Variants in ZDHHC14 observed in about 807,000 individuals in gnomAD.
ZDHHC14 encodes the protein palmitoyltransferase ZDHHC14.
Under a neutral mutation model 47.7 loss-of-function variants are expected in ZDHHC14, and 16 were observed. The ratio of observed to expected loss-of-function variants is 0.34; its 90% confidence interval spans 0.23 to 0.51. The LOEUF is 0.51. Among genes scored for constraint, ZDHHC14 ranks in the 20% least tolerant of loss-of-function variants. The probability of loss-of-function intolerance (pLI) is 0.97; values close to 1 mark genes in which losing one functional copy is unlikely to be tolerated. For synonymous variants in ZDHHC14, 293 were observed against 278.9 expected, an observed-to-expected ratio of 1.05 and a Z score of -0.50; for missense variants, 515 against 662.5, an observed-to-expected ratio of 0.78 and a Z score of 2.44.
At chr6:157,536,583 C>G (rs9457716) in intron 1 of ZDHHC14, among the ~76,000 whole-genome samples, 2 of 151,816 alleles carry the variant, frequency 1.3e-5, no homozygotes, top group African/African-American at 4.8e-5. Context: ...CCTAATTACC[C>G]AATAATGAAA....
intron 1 of ZDHHC14, among the ~76,000 whole-genome samples, chr6:157,423,481 T>C (rs1778150045): frequency 6.6e-6 from 1 of 152,162 alleles, no homozygotes; most frequent in African/African-American, 2.4e-5. Flanking sequence ...AGGATTATAT[T>C]TTTAAAATTT....
At chr6:157,523,728 CAAA>C (rs1246190746) in intron 1 of ZDHHC14, among the ~76,000 whole-genome samples, 2 of 121,288 alleles carry the variant, frequency 1.6e-5, no homozygotes, top group Non-Finnish European at 3.7e-5. Flanking sequence ...CTCGCTTATA[CAAA>C]AAAAAAAAAA....
At chr6:157,646,157 C>T in intron 6 of ZDHHC14, 1 of 232,630 alleles carries the variant, frequency 4.3e-6, no homozygotes, top group Non-Finnish European at 8.3e-6. Context: ...TATCACACTT[C>T]CCCTGGTAGA....
chr6:157,546,315 T>C (rs1781970631), intron 2 of ZDHHC14, among the ~76,000 whole-genome samples: 1 of 152,250 alleles, frequency 6.6e-6, no homozygotes, highest in South Asian at 2.1e-4. Context: ...ACAATTAGAT[T>C]TGGAAACTTT....
chr6:157,667,169 A>G (rs1473270535), intron 8 of ZDHHC14, among the ~76,000 whole-genome samples: 2 of 152,244 alleles, frequency 1.3e-5, no homozygotes, highest in African/African-American at 4.8e-5. Context: ...AAACATGAGT[A>G]TCTCAGTTTT....
chr6:157,535,447 A>G (rs940986216), intron 1 of ZDHHC14, among the ~76,000 whole-genome samples: 3 of 152,194 alleles, frequency 2.0e-5, no homozygotes, highest in African/African-American at 7.2e-5. Context: ...CGTGTGAAAA[A>G]GAGCTGTTGA....
At chr6:157,449,839 T>C (rs951427264) in intron 1 of ZDHHC14, among the ~76,000 whole-genome samples, 2 of 152,178 alleles carry the variant, frequency 1.3e-5, no homozygotes, top group African/African-American at 4.8e-5. Flanking sequence ...TTGAATTTTT[T>C]CCCCAGTACG....
chr6:157,469,129 T>G (rs549860057), intron 1 of ZDHHC14, among the ~76,000 whole-genome samples: 1 of 152,364 alleles, frequency 6.6e-6, no homozygotes, highest in African/African-American at 2.4e-5. Flanking sequence ...AGCAGGCAGC[T>G]GCCCACATGT....
chr6:157,406,196 G>T (rs1439063433), intron 1 of ZDHHC14, among the ~76,000 whole-genome samples: 5 of 152,224 alleles, frequency 3.3e-5, no homozygotes, highest in Non-Finnish European at 7.3e-5. Context: ...CAGTTGGGGA[G>T]GGAGTGGGGT....
chr6:157,443,077 G>T (rs910374988), intron 1 of ZDHHC14, among the ~76,000 whole-genome samples: 2 of 152,156 alleles, frequency 1.3e-5, no homozygotes, highest in African/African-American at 4.8e-5. Flanking sequence ...TTGGGGGAGG[G>T]ACCTCGTGGG....
chr6:157,480,230 T>A (rs1779589476), intron 1 of ZDHHC14, among the ~76,000 whole-genome samples: 1 of 151,190 alleles, frequency 6.6e-6, no homozygotes, highest in Admixed American at 6.6e-5. Context: ...AGACTTTGGG[T>A]CAGGTTTTTT....
intron 1 of ZDHHC14, among the ~76,000 whole-genome samples, chr6:157,498,273 A>AT (rs1369180967): frequency 1.3e-5 from 2 of 151,626 alleles, no homozygotes; most frequent in African/African-American, 4.8e-5. Flanking sequence ...CACATCTCAA[A>AT]AAAAAAAAAA....
At chr6:157,555,761 G>C (rs2047968) in intron 2 of ZDHHC14, among the ~76,000 whole-genome samples, 1 of 152,010 alleles carries the variant, frequency 6.6e-6, no homozygotes, top group South Asian at 2.1e-4. Context: ...CCCCACCCCT[G>C]TGTATTGCAG....
At chr6:157,671,417 A>G (rs1354029201) in intron 8 of ZDHHC14, among the ~76,000 whole-genome samples, 4 of 152,204 alleles carry the variant, frequency 2.6e-5, no homozygotes, top group African/African-American at 9.6e-5. Context: ...TTGAGCACAG[A>G]GTCCCGATTT....
chr6:157,657,748 T>A (rs569139827), intron 8 of ZDHHC14, among the ~76,000 whole-genome samples: 23 of 152,344 alleles, frequency 1.5e-4, no homozygotes, highest in African/African-American at 5.5e-4. Context: ...CTAAGCAGGA[T>A]GTTCCAGCCA....
chr6:157,382,353 G>A, intron 1 of ZDHHC14, 87 bp downstream of exon 1: 2 of 1,489,720 alleles, frequency 1.3e-6, no homozygotes, highest in Non-Finnish European at 1.8e-6. Flanking sequence ...TCGTTTTCTA[G>A]AAGTCTTATC....
chr6:157,539,896 T>G (rs2114799240), intron 1 of ZDHHC14, among the ~76,000 whole-genome samples: 1 of 152,286 alleles, frequency 6.6e-6, no homozygotes. Flanking sequence ...GTTTGCTACT[T>G]AAAGCGACAA....
intron 2 of ZDHHC14, among the ~76,000 whole-genome samples, chr6:157,544,869 A>G (rs1337591845): frequency 1.3e-5 from 2 of 152,210 alleles, no homozygotes; most frequent in African/African-American, 4.8e-5. Context: ...CCATTACTAT[A>G]TGACCCAGCA....
chr6:157,562,512 G>A (rs914013466), intron 2 of ZDHHC14, among the ~76,000 whole-genome samples: 1 of 152,150 alleles, frequency 6.6e-6, no homozygotes, highest in Non-Finnish European at 1.5e-5. Context: ...GCAGATTTGG[G>A]GTGGGGGCTC....
Sources: gnomAD v4.1 joint callset for allele counts (sites outside exome capture counted in the v4.1 genomes callset) on GRCh38, gnomAD v4.1.1 for gene constraint, MANE v1.5 for transcripts, NCBI Gene and HGNC (gene_info 2026-07-23, HGNC 2026-07-21) for gene names.